OR10J1: variants seen among roughly 807,000 people sequenced by gnomAD.
OR10J1 encodes the protein olfactory receptor family 10 subfamily J member 1.
For synonymous variants in OR10J1, 202 were observed against 143.8 expected, an observed-to-expected ratio of 1.40 and a Z score of -2.89; for missense variants, 474 against 376.6, an observed-to-expected ratio of 1.26 and a Z score of -2.14.
At position 159,440,125 on chromosome 1, in the gene OR10J1, T is replaced by G. The variant is rs781275785; in HGVS notation, c.334T>G (p.Cys112Gly). Residue 112 changes from cysteine (C) to glycine (G), a missense_variant, in exon 1 of 1, where the codon TGC (cysteine) becomes GGC (glycine). Transcript: ENST00000423932. ...TTTTGTAACCTTTGGCATCACTAAC[T>G]GCTTCCTGCTCACAGCAATGGGATA... ...FFFVTFGITN[C>G]FLLTAMGYDR... 1 of 1,614,162 alleles carries G rather than the reference T, an allele frequency of 6.2e-7. No homozygotes were observed. Among genetic ancestry groups the G allele is most frequent in the South Asian group, 1.1e-5 (1 of 91,080 alleles).
the OR10J1 span, among the ~76,000 whole-genome samples, chr1:159,401,005 T>TTCC: frequency 6.6e-6 from 1 of 151,760 alleles, no homozygotes; most frequent in East Asian, 1.9e-4. Context: ...AAACAATATG[T>TTCC]TCCTGAATGA....
chr1:159,400,057 T>C, the OR10J1 span, among the ~76,000 whole-genome samples: 6,832 of 151,928 alleles, frequency 0.045, 242 homozygotes, highest in Non-Finnish European at 0.074. Flanking sequence ...GAAACTAAAT[T>C]GTATCAACAG....
the OR10J1 span, among the ~76,000 whole-genome samples, chr1:159,428,686 C>T: frequency 6.6e-6 from 1 of 152,128 alleles, no homozygotes; most frequent in Non-Finnish European, 1.5e-5. Context: ...TCATCTCTTG[C>T]CTGTGGGACT....
chr1:159,419,428 T>C, the OR10J1 span, among the ~76,000 whole-genome samples: 2 of 152,338 alleles, frequency 1.3e-5, no homozygotes, highest in South Asian at 2.1e-4. Flanking sequence ...GGAGTTTGCC[T>C]GCACAAGTTT....
At chr1:159,407,309 C>T in the OR10J1 span, among the ~76,000 whole-genome samples, 7 of 152,106 alleles carry the variant, frequency 4.6e-5, no homozygotes, top group African/African-American at 1.7e-4. Flanking sequence ...TTTGGTTCCA[C>T]CAGGTCATAA....
chr1:159,426,632 A>G, the OR10J1 span, among the ~76,000 whole-genome samples: 1 of 151,882 alleles, frequency 6.6e-6, no homozygotes, highest in Non-Finnish European at 1.5e-5. Flanking sequence ...ATGGTTTAGT[A>G]GGACTTAAAA....
the OR10J1 span, among the ~76,000 whole-genome samples, chr1:159,414,841 G>A: frequency 2.0e-4 from 30 of 152,096 alleles, no homozygotes; most frequent in African/African-American, 7.0e-4. Flanking sequence ...GTGATATTAA[G>A]CATTTTTTCA....
chr1:159,401,612 G>T, the OR10J1 span, among the ~76,000 whole-genome samples: 2 of 151,786 alleles, frequency 1.3e-5, no homozygotes, highest in East Asian at 1.9e-4. Context: ...ATAACAAAAA[G>T]TTTCCAGGAA....
chr1:159,402,672 C>G, the OR10J1 span, among the ~76,000 whole-genome samples: 1 of 151,686 alleles, frequency 6.6e-6, no homozygotes, highest in African/African-American at 2.4e-5. Flanking sequence ...TATTGTTAAA[C>G]TATTTATAGT....
chr1:159,432,159 G>A, the OR10J1 span: 1 of 400,382 alleles, frequency 2.5e-6, no homozygotes, highest in Admixed American at 4.4e-5. Context: ...CAGCCTGGAT[G>A]CTCAACATTC....
At chr1:159,405,179 G>T in the OR10J1 span, among the ~76,000 whole-genome samples, 2 of 152,068 alleles carry the variant, frequency 1.3e-5, no homozygotes, top group Admixed American at 6.6e-5. Context: ...ATTGTATAAG[G>T]AACAACTAAA....
In OR10J1 at chr1:159,440,126, G is replaced by C. The variant is rs372093317; in HGVS notation, c.335G>C (p.Cys112Ser). ...TTTGTAACCTTTGGCATCACTAACT[G>C]CTTCCTGCTCACAGCAATGGGATAT... Reference protein sequence around the residue: ...FFFVTFGITNCFLLTAMGYDR... With the variant: ...FFFVTFGITNSFLLTAMGYDR... Residue 112 changes from cysteine (C) to serine (S), a missense_variant, in exon 1 of 1, where the codon TGC becomes TCC. Cys to Ser is a moderately radical substitution (Grantham distance 112). Coordinates refer to ENST00000423932, the MANE Select transcript of OR10J1 (RefSeq NM_012351.3). 6.2e-7 allele frequency: 1 copy of C among 1,613,984 alleles called. No homozygotes were observed. The highest frequency in any genetic ancestry group is 1.3e-5 in the African/African-American group (1 of 74,898).
the OR10J1 span, among the ~76,000 whole-genome samples, chr1:159,405,105 A>T: frequency 6.6e-6 from 1 of 152,138 alleles, no homozygotes; most frequent in African/African-American, 2.4e-5. Flanking sequence ...AGGAACCAGT[A>T]AACTTATACC....
At chr1:159,400,522 T>A in the OR10J1 span, among the ~76,000 whole-genome samples, 1 of 150,660 alleles carries the variant, frequency 6.6e-6, no homozygotes, top group Non-Finnish European at 1.5e-5. Context: ...AGCAAGGGGA[T>A]ATAACAATTT....
chr1:159,409,965 T>C, the OR10J1 span, among the ~76,000 whole-genome samples: 1,312 of 152,208 alleles, frequency 8.6e-3, 11 homozygotes, highest in South Asian at 0.019. Flanking sequence ...TCATGTGGTT[T>C]TTGTCTTTGG....
At chr1:159,408,559 T>C in the OR10J1 span, among the ~76,000 whole-genome samples, 5 of 151,566 alleles carry the variant, frequency 3.3e-5, no homozygotes, top group Non-Finnish European at 7.4e-5. Context: ...GGCACATGTA[T>C]ACATATGTAA....
chr1:159,403,702 T>A, the OR10J1 span, among the ~76,000 whole-genome samples: 2 of 152,110 alleles, frequency 1.3e-5, no homozygotes, highest in Admixed American at 6.6e-5. Context: ...GGAGAACTTT[T>A]TGGAGGTTCC....
At chr1:159,418,088 G>T in the OR10J1 span, among the ~76,000 whole-genome samples, 2 of 152,162 alleles carry the variant, frequency 1.3e-5, no homozygotes, top group Non-Finnish European at 2.9e-5. Flanking sequence ...GCTGTTAAAA[G>T]CATTTAGTTT....
At chr1:159,432,021 A>G in the OR10J1 span, among the ~76,000 whole-genome samples, 2 of 152,304 alleles carry the variant, frequency 1.3e-5, no homozygotes, top group Non-Finnish European at 2.9e-5. Flanking sequence ...CTCAGGGCCC[A>G]GAGAACCTTG....
Sources: gnomAD v4.1 joint callset for allele counts (sites outside exome capture counted in the v4.1 genomes callset) on GRCh38, gnomAD v4.1.1 for gene constraint, MANE v1.5 for transcripts, NCBI Gene and HGNC (gene_info 2026-07-23, HGNC 2026-07-21) for gene names.